The following DPYD variants were observed in gnomAD, a reference collection of about 807,000 sequenced individuals.
DPYD encodes dihydropyrimidine dehydrogenase [NADP(+)].
DPYD carries 109 observed loss-of-function variants against 116.2 expected under a neutral mutation model. That is an observed-to-expected ratio of 0.94 (90% CI 0.80 to 1.10). DPYD has a LOEUF of 1.10. DPYD is among the 50% of genes least tolerant of loss of function. The pLI is 0.00. For synonymous variants in DPYD, 440 were observed against 432.0 expected (o/e 1.02, Z -0.23); for missense variants, 1,302 against 1,254.5 (o/e 1.04, Z -0.57).
chr1:97,224,536 C>T (rs1660988067), intron 19 of DPYD, among the ~76,000 whole-genome samples: 1 of 151,986 alleles, frequency 6.6e-6, no homozygotes, highest in African/African-American at 2.4e-5. Flanking sequence ...AATCTACTCT[C>T]TTAGCAAATA....
intron 13 of DPYD, among the ~76,000 whole-genome samples, chr1:97,493,025 T>A (rs1679055787): frequency 6.6e-6 from 1 of 152,194 alleles, no homozygotes; most frequent in Non-Finnish European, 1.5e-5. Flanking sequence ...TTGGCTAGAC[T>A]TGCTGGTTTG....
intron 20 of DPYD, among the ~76,000 whole-genome samples, chr1:97,108,289 CCTCT>C (rs1229873459): frequency 1.3e-5 from 2 of 152,060 alleles, no homozygotes; most frequent in African/African-American, 4.8e-5. Flanking sequence ...CTGATGACTC[CCTCT>C]GTGTCTCAGT....
chr1:97,778,711 G>A (rs1666564073), intron 3 of DPYD, among the ~76,000 whole-genome samples: 1 of 151,982 alleles, frequency 6.6e-6, no homozygotes, highest in African/African-American at 2.4e-5. Context: ...ATATATATAG[G>A]CATAGCTAGG....
At chr1:97,622,748 A>G (rs1656705214) in intron 8 of DPYD, among the ~76,000 whole-genome samples, 1 of 152,074 alleles carries the variant, frequency 6.6e-6, no homozygotes, top group African/African-American at 2.4e-5. Context: ...AAGTTTATTT[A>G]AAAAGATACC....
At chr1:97,110,065 G>T (rs1304051945) in intron 20 of DPYD, among the ~76,000 whole-genome samples, 3 of 151,926 alleles carry the variant, frequency 2.0e-5, no homozygotes, top group Admixed American at 2.0e-4. Flanking sequence ...CTCTACATTG[G>T]CCATGAACTT....
At chr1:97,402,333 T>C (rs1321993562) in intron 14 of DPYD, among the ~76,000 whole-genome samples, 2 of 152,142 alleles carry the variant, frequency 1.3e-5, no homozygotes, top group African/African-American at 4.8e-5. Context: ...ACAGATCTTG[T>C]CATATTTTGA....
intron 4 of DPYD, among the ~76,000 whole-genome samples, chr1:97,724,986 A>AGAGAGAG (rs3075442): frequency 6.0e-5 from 9 of 148,922 alleles, no homozygotes; most frequent in Non-Finnish European, 1.1e-4. Context: ...AGAGAGAGAG[A>AGAGAGAG]AAGTTATCCA....
chr1:97,672,436 A>G (rs976644762), intron 8 of DPYD, among the ~76,000 whole-genome samples: 1 of 152,148 alleles, frequency 6.6e-6, no homozygotes, highest in Admixed American at 6.6e-5. Context: ...CTCATTTCCA[A>G]AATCTTGGGA....
intron 13 of DPYD, among the ~76,000 whole-genome samples, chr1:97,456,778 C>G (rs928225520): frequency 6.6e-6 from 1 of 151,966 alleles, no homozygotes; most frequent in Non-Finnish European, 1.5e-5. Context: ...AATATACAGG[C>G]ATGATAAAGG....
intron 16 of DPYD, among the ~76,000 whole-genome samples, chr1:97,333,812 A>G (rs775027661): frequency 6.6e-6 from 1 of 152,062 alleles, no homozygotes; most frequent in Non-Finnish European, 1.5e-5. Flanking sequence ...GAGCCACCGC[A>G]CCCAGCTGAA....
At chr1:97,125,791 T>C (rs1009162884) in intron 20 of DPYD, among the ~76,000 whole-genome samples, 8 of 152,136 alleles carry the variant, frequency 5.3e-5, no homozygotes, top group East Asian at 1.9e-4. Context: ...AACCAGATAA[T>C]AGGCCCTCAC....
rs199580530 is a variant in DPYD, at chr1:97,206,533, T to C, written c.2443-13285A>G. Reference sequence around the variant, plus strand: ...GCAGAACAAAGATTAAAATTCTGGCTCAGTTTGCCCACAGGATCCTTTCTT... The same window carrying C: ...GCAGAACAAAGATTAAAATTCTGGCCCAGTTTGCCCACAGGATCCTTTCTT... On this transcript the variant is annotated intron_variant, in intron 19 of 22. Transcript: ENST00000370192. 2.7e-5 allele frequency among the ~76,000 whole-genome samples: 4 copies of C among 150,312 alleles called. No individual in the cohort carries two copies. In the East Asian group the frequency reaches 7.9e-4, roughly 30 times the overall value.
intron 14 of DPYD, among the ~76,000 whole-genome samples, chr1:97,417,239 G>T (rs944663679): frequency 6.6e-5 from 10 of 152,154 alleles, no homozygotes; most frequent in African/African-American, 2.4e-4. Context: ...AGGTTAATAA[G>T]AGTTGTCTTA....
chr1:97,202,416 G>A (rs578126632), intron 19 of DPYD, among the ~76,000 whole-genome samples: 7 of 152,060 alleles, frequency 4.6e-5, no homozygotes, highest in Non-Finnish European at 1.0e-4. Context: ...CTATTTTTCA[G>A]TGTAACTCTG....
intron 20 of DPYD, among the ~76,000 whole-genome samples, chr1:97,182,693 G>A (rs1373222329): frequency 6.6e-6 from 1 of 151,974 alleles, no homozygotes; most frequent in Non-Finnish European, 1.5e-5. Context: ...AAGAAAAATG[G>A]CTTTCATTCC....
intron 3 of DPYD, among the ~76,000 whole-genome samples, chr1:97,772,044 TA>T (rs1485581135): frequency 2.6e-5 from 4 of 152,280 alleles, no homozygotes; most frequent in African/African-American, 9.6e-5. Context: ...TATACAAAAA[TA>T]AAAGATAAAT....
intron 1 of DPYD, among the ~76,000 whole-genome samples, chr1:97,890,890 A>G (rs937184023): frequency 2.4e-4 from 36 of 152,004 alleles, no homozygotes; most frequent in Non-Finnish European, 4.6e-4. Context: ...TTGGCTACTT[A>G]TCACAGCTAC....
At chr1:97,755,453 C>A (rs971194080) in intron 3 of DPYD, among the ~76,000 whole-genome samples, 3 of 152,140 alleles carry the variant, frequency 2.0e-5, no homozygotes, top group African/African-American at 7.2e-5. Context: ...AGTAATAAAC[C>A]TGCTTCATGC....
chr1:97,419,190 T>G (rs1674444492), intron 14 of DPYD, among the ~76,000 whole-genome samples: 1 of 152,212 alleles, frequency 6.6e-6, no homozygotes, highest in South Asian at 2.1e-4. Context: ...GCATTTTACC[T>G]TTAGTGAATG....
Sources: allele counts gnomAD v4.1 joint callset (sites outside exome capture counted in the v4.1 genomes callset), GRCh38; gene constraint gnomAD v4.1.1; transcripts MANE v1.5; gene names NCBI Gene and HGNC (gene_info 2026-07-23, HGNC 2026-07-21).